FRMD8: variants seen among roughly 807,000 people sequenced by gnomAD.
FRMD8 encodes FERM domain-containing protein 8.
A neutral mutation model predicts 54.2 loss-of-function variants in FRMD8; 37 were observed. That is an observed-to-expected ratio of 0.68 (90% confidence interval 0.53 to 0.90). The LOEUF is 0.90. Among genes scored for constraint, FRMD8 ranks in the 40% least tolerant of loss-of-function variants. FRMD8 has a pLI of 0.00. For missense variants in FRMD8, 585 were observed against 653.7 expected (o/e 0.89, Z 1.15); for synonymous variants, 246 against 286.9 (o/e 0.86, Z 1.44).
chr11:65,368,490 T>A, the FRMD8 span, among the ~76,000 whole-genome samples: 1,053 of 149,358 alleles, frequency 7.1e-3, 12 homozygotes, highest in African/African-American at 0.025. Context: ...GGATCACAGG[T>A]GTGAGCCATT....
At chr11:65,406,588 A>G (rs941859678) in intron 10 of FRMD8, among the ~76,000 whole-genome samples, 1 of 151,450 alleles carries the variant, frequency 6.6e-6, no homozygotes, top group Non-Finnish European at 1.5e-5. Flanking sequence ...TTGGCCTCCC[A>G]AAGTGCTGGG....
In FRMD8 at chr11:65,402,037, C is replaced by T. The variant is rs192106433; in HGVS notation, c.1071+1170C>T. ...CGTGTTTACAGATTCTCAATTGTTT[C>T]GGTGTCGTTTGTTGAAAAGACATTG... On this transcript the variant is annotated intron_variant, in intron 9 of 10. Transcript: ENST00000317568. Among the ~76,000 whole-genome samples, 135 of 152,070 alleles carry T rather than the reference C, an allele frequency of 8.9e-4. 1 individual carries two copies. In the East Asian group the frequency reaches 0.018, roughly 20 times the overall value.
At chr11:65,401,740 C>A (rs1373066606) in intron 9 of FRMD8, among the ~76,000 whole-genome samples, 1 of 150,824 alleles carries the variant, frequency 6.6e-6, no homozygotes, top group East Asian at 2.0e-4. Flanking sequence ...ATTTTCCTGG[C>A]CCCCCTCGAG....
rs370915276 is a variant in FRMD8, at chr11:65,405,106, G to A, written c.1276+38G>A. ...TCTGTGCATGTGCACACACAAACAC[G>A]CATGCGCGTGCACACACCGGGGGGA... On this transcript the variant is annotated intron_variant, in intron 10 of 10. Transcript: ENST00000317568. 35 of 1,580,814 alleles carry A rather than the reference G, an allele frequency of 2.2e-5. No homozygotes were observed. The South Asian group carries it at 2.9e-4, about 13-fold the overall frequency.
intron 7 of FRMD8, 151 bp from the exon 8 acceptor site, chr11:65,399,585 C>T: frequency 1.1e-6 from 1 of 892,110 alleles, no homozygotes; most frequent in Non-Finnish European, 1.7e-6. Flanking sequence ...TACGAAGCCT[C>T]CCCTTCATCC....
the FRMD8 span, among the ~76,000 whole-genome samples, chr11:65,374,219 G>A: frequency 6.8e-6 from 1 of 147,636 alleles, no homozygotes; most frequent in Non-Finnish European, 1.5e-5. Context: ...GGAGAGCTCT[G>A]ATGAGCACGT....
At chr11:65,399,028 C>T (rs1204958232) in intron 7 of FRMD8, among the ~76,000 whole-genome samples, 4 of 142,010 alleles carry the variant, frequency 2.8e-5, no homozygotes, top group African/African-American at 5.2e-5. Context: ...GATGGAGTCT[C>T]GCTCTGTTGC....
chr11:65,389,368 C>T lies in FRMD8; in HGVS notation c.93C>T (p.Asp31=), dbSNP rs142184687. The change falls in exon 3 of 11, where the codon GAC becomes GAT. Residue 31 remains aspartate (D), a synonymous_variant. Coordinates refer to ENST00000317568, the MANE Select transcript of FRMD8 (RefSeq NM_031904.5). ...GCCTGGTCTCCATCACAGCGGCTGA[C>T]GTGCTGGTATACCTAGCGGATGACA... ...SVSSVGARAA[D]VLVYLADDTV... 1.1e-3 allele frequency: 1,725 copies of T among 1,610,244 alleles called. No individual in the cohort carries two copies. The highest frequency in any genetic ancestry group is 1.2e-3 in the Non-Finnish European group (1,463 of 1,179,974).
intron 3 of FRMD8, among the ~76,000 whole-genome samples, chr11:65,392,156 G>A (rs1041968217): frequency 6.6e-6 from 1 of 152,192 alleles, no homozygotes; most frequent in Non-Finnish European, 1.5e-5. Flanking sequence ...GAGGGCTGTG[G>A]GGCCTCTGGG....
chr11:65,401,431 G>A (rs1286825540), intron 9 of FRMD8, among the ~76,000 whole-genome samples: 2 of 136,066 alleles, frequency 1.5e-5, no homozygotes, highest in Admixed American at 7.5e-5. Context: ...CACATCAGAC[G>A]CCCCTCCCTC....
At chr11:65,410,607 G>A (rs1440398108) in intron 10 of FRMD8, among the ~76,000 whole-genome samples, 10 of 152,210 alleles carry the variant, frequency 6.6e-5, no homozygotes, top group South Asian at 4.1e-4. Context: ...TGGCTAACAC[G>A]GTGAAACCCC....
the FRMD8 span, chr11:65,379,307 G>A: frequency 1.3e-6 from 2 of 1,563,486 alleles, no homozygotes; most frequent in African/African-American, 2.7e-5. Context: ...GCCAGGGCAG[G>A]GTGGGAGAGG....
At chr11:65,390,562 C>T (rs577245641) in intron 3 of FRMD8, among the ~76,000 whole-genome samples, 4 of 151,952 alleles carry the variant, frequency 2.6e-5, no homozygotes, top group African/African-American at 9.7e-5. Flanking sequence ...TCTCCACCCC[C>T]TCCCCCCTGC....
chr11:65,376,475 C>T, the FRMD8 span: 2 of 1,614,214 alleles, frequency 1.2e-6, no homozygotes, highest in Non-Finnish European at 1.7e-6. Context: ...AAGGCGCGGG[C>T]ACTGTTGATG....
At chr11:65,389,571 G>T in intron 3 of FRMD8, 43 bp downstream of exon 3, 1 of 1,531,242 alleles carries the variant, frequency 6.5e-7, no homozygotes, top group South Asian at 1.2e-5. Flanking sequence ...GGGTTGGAAG[G>T]GCACTGACCA....
At chr11:65,388,886 G>C (rs932012931) in intron 2 of FRMD8, among the ~76,000 whole-genome samples, 1 of 152,208 alleles carries the variant, frequency 6.6e-6, no homozygotes, top group African/African-American at 2.4e-5. Context: ...TCTCGCTCCT[G>C]CCAGCCAGCC....
the FRMD8 span, chr11:65,376,931 C>A: frequency 6.2e-7 from 1 of 1,613,502 alleles, no homozygotes; most frequent in Non-Finnish European, 8.5e-7. Context: ...TCGGAACAGC[C>A]CCCGGGGCCC....
Position 65,394,292 on chromosome 11 carries a change from G to A in FRMD8, c.448G>A (p.Glu150Lys). The change falls in exon 6 of 11, where the codon GAG (glutamate) becomes AAG (lysine). Residue 150 changes from glutamate to lysine, a missense_variant. Coordinates refer to ENST00000317568, the MANE Select transcript of FRMD8 (RefSeq NM_031904.5). Reference sequence around the variant, plus strand: ...CGAGGAGGTCCTGCGGCTGCTCTATGAGGAGGCCAAGGGCAACGTGCTGGC... The same window carrying A: ...CGAGGAGGTCCTGCGGCTGCTCTATAAGGAGGCCAAGGGCAACGTGCTGGC... ...HDEEVLRLLY[E>K]EAKGNVLAAR... The A allele has an allele frequency of 6.3e-7, 1 of 1,596,752 alleles. No individual in the cohort carries two copies. Among genetic ancestry groups the A allele is most frequent in the Non-Finnish European group, 8.5e-7 (1 of 1,172,018 alleles).
In FRMD8 at chr11:65,394,407, C is replaced by A; in HGVS notation, c.563C>A (p.Pro188Gln). The A allele has an allele frequency of 6.4e-7, 1 of 1,567,610 alleles. No homozygotes were observed. Among genetic ancestry groups the A allele is most frequent in the Non-Finnish European group, 8.6e-7 (1 of 1,159,122 alleles). Reference sequence around the variant, plus strand: ...CTTGGGCCCTACCAGCCCGGCCGGCCGGCAGCCTGCGACCTGAGGTGAGGG... The same window carrying A: ...CTTGGGCCCTACCAGCCCGGCCGGCAGGCAGCCTGCGACCTGAGGTGAGGG... Reference protein sequence around the residue: ...VQLGPYQPGRPAACDLREKLD... With the variant: ...VQLGPYQPGRQAACDLREKLD... Residue 188 changes from proline (P) to glutamine (Q), a missense_variant, in exon 6 of 11, where the codon CCG becomes CAG. Pro to Gln is a moderately conservative substitution (Grantham distance 76, BLOSUM62 -1). Coordinates refer to ENST00000317568, the MANE Select transcript of FRMD8 (RefSeq NM_031904.5).
Sources: gnomAD v4.1 joint callset for allele counts (sites outside exome capture counted in the v4.1 genomes callset) on GRCh38, gnomAD v4.1.1 for gene constraint, MANE v1.5 for transcripts, NCBI Gene and HGNC (gene_info 2026-07-23, HGNC 2026-07-21) for gene names.